GRIA1: variants seen among roughly 807,000 people sequenced by gnomAD.
GRIA1 encodes the protein glutamate receptor 1.
Under a neutral mutation model 99.2 loss-of-function variants are expected in GRIA1, and 31 were observed. The observed-to-expected ratio is 0.31, with a 90% CI of 0.23 to 0.42. The LOEUF is 0.42. Among genes scored for constraint, GRIA1 ranks in the 10% least tolerant of loss-of-function variants. The pLI, the probability that GRIA1 is intolerant of heterozygous loss-of-function variation, is 1.00. For synonymous variants in GRIA1, 438 were observed against 432.4 expected, an observed-to-expected ratio of 1.01 and a Z score of -0.16; for missense variants, 782 against 1,157.5, an observed-to-expected ratio of 0.68 and a Z score of 4.71.
intron 5 of GRIA1, among the ~76,000 whole-genome samples, chr5:153,660,749 A>G (rs964678454): frequency 2.0e-5 from 3 of 152,216 alleles, no homozygotes; most frequent in Non-Finnish European, 4.4e-5. Context: ...AACTGGCTCT[A>G]CAGACACACC....
intron 8 of GRIA1, among the ~76,000 whole-genome samples, chr5:153,691,800 C>T (rs1300703947): frequency 1.3e-5 from 2 of 152,202 alleles, no homozygotes; most frequent in South Asian, 2.1e-4. Context: ...ACAGTAGCCT[C>T]CTTACCAGTC....
rs962180380 is a variant in GRIA1 at position 153,640,765 on chromosome 5, T to C, written c.221-6163T>C. Among the ~76,000 whole-genome samples the C allele has an allele frequency of 5.9e-5, 9 of 152,242 alleles. No individual in the cohort carries two copies. In the East Asian group the frequency reaches 1.5e-3, roughly 26 times the overall value. ...TAGAAAACATGTCTGTCTTGTGTAA[T>C]TGTGGTACCCCAATTTTCTGGCAAT... On this transcript the variant is annotated intron_variant, in intron 2 of 15. Transcript: ENST00000285900.
intron 11 of GRIA1, among the ~76,000 whole-genome samples, chr5:153,738,050 G>A (rs1484432247): frequency 2.6e-5 from 4 of 152,176 alleles, no homozygotes; most frequent in Non-Finnish European, 5.9e-5. Context: ...ACAGGAGCAG[G>A]CCAGACCCAG....
intron 2 of GRIA1, among the ~76,000 whole-genome samples, chr5:153,585,621 T>G (rs893567825): frequency 4.6e-5 from 7 of 152,084 alleles, no homozygotes; most frequent in African/African-American, 1.7e-4. Flanking sequence ...TGTCCTCATT[T>G]CTTATGCTCC....
chr5:153,812,511 G>C lies in GRIA1; in HGVS notation c.*1286G>C, dbSNP rs1306164314. ...CATCTTTAGAAAGTGAGATAACCAA[G>C]GAAATAATTGAAGGAGTATAGGGAG... On this transcript the variant is annotated 3_prime_UTR_variant, in exon 16 of 16. Transcript: ENST00000285900. 1 of 152,178 alleles carries C rather than the reference G, an allele frequency of 6.6e-6. No homozygotes were observed. Among genetic ancestry groups the C allele is most frequent in the Non-Finnish European group, 1.5e-5 (1 of 68,038 alleles). The allele number at this position is 152,178 out of a possible 1,614,324, so 9.4% of individuals were successfully genotyped here.
intron 14 of GRIA1, among the ~76,000 whole-genome samples, chr5:153,801,954 G>A (rs930899251): frequency 2.0e-5 from 2 of 97,784 alleles, no homozygotes; most frequent in Non-Finnish European, 4.9e-5. Context: ...AATTGGGGCG[G>A]GGGGGGGCGG....
At chr5:153,615,568 C>T (rs963129899) in intron 2 of GRIA1, among the ~76,000 whole-genome samples, 5 of 152,182 alleles carry the variant, frequency 3.3e-5, no homozygotes, top group African/African-American at 9.7e-5. Context: ...CACTTGAGCC[C>T]AGGCGGTCGA....
chr5:153,751,971 T>G (rs1459547805), intron 11 of GRIA1, among the ~76,000 whole-genome samples: 1 of 152,188 alleles, frequency 6.6e-6, no homozygotes, highest in Non-Finnish European at 1.5e-5. Context: ...GTGGATCACT[T>G]AATGCTATCA....
At position 153,522,973 on chromosome 5, in the gene GRIA1, T is replaced by G. The variant is rs997345386; in HGVS notation, c.220+28908T>G. Among the ~76,000 whole-genome samples, 10 of 151,726 alleles carry G rather than the reference T, an allele frequency of 6.6e-5. No individual in the cohort carries two copies. The South Asian group carries it at 1.9e-3, about 28-fold the overall frequency. ...TTAATGAATTGCCTCTTGTAGCAGC[T>G]CTCCTGTATAAATATCTTCCACCTG... On this transcript the variant is annotated intron_variant, in intron 2 of 15. Coordinates refer to ENST00000285900, the MANE Select transcript of GRIA1 (RefSeq NM_000827.4).
At chr5:153,521,796 C>A (rs554566059) in intron 2 of GRIA1, among the ~76,000 whole-genome samples, 21 of 152,300 alleles carry the variant, frequency 1.4e-4, no homozygotes, top group African/African-American at 4.8e-4. Flanking sequence ...GCTCTCATTA[C>A]ACCAAAGATA....
At chr5:153,517,286 T>G (rs768432401) in intron 2 of GRIA1, among the ~76,000 whole-genome samples, 1 of 152,212 alleles carries the variant, frequency 6.6e-6, no homozygotes, top group Non-Finnish European at 1.5e-5. Context: ...AGTGCCTGCA[T>G]GGCTTTATTT....
At chr5:153,700,381 G>C (rs1758431572) in intron 10 of GRIA1, among the ~76,000 whole-genome samples, 1 of 152,136 alleles carries the variant, frequency 6.6e-6, no homozygotes, top group Non-Finnish European at 1.5e-5. Context: ...GCGAAACTCT[G>C]TCTCAAAAAT....
At chr5:153,686,918 T>C (rs1230981201) in intron 8 of GRIA1, among the ~76,000 whole-genome samples, 1 of 152,182 alleles carries the variant, frequency 6.6e-6, no homozygotes, top group Non-Finnish European at 1.5e-5. Flanking sequence ...CCTTAACCCT[T>C]GATACTTCCT....
At chr5:153,709,930 G>A (rs1222877143) in intron 11 of GRIA1, among the ~76,000 whole-genome samples, 2 of 152,142 alleles carry the variant, frequency 1.3e-5, no homozygotes, top group East Asian at 3.8e-4. Context: ...GGCAGTATTG[G>A]CCACTGTGCC....
intron 11 of GRIA1, among the ~76,000 whole-genome samples, chr5:153,716,281 G>T (rs1480196663): frequency 1.3e-5 from 2 of 152,156 alleles, no homozygotes; most frequent in Non-Finnish European, 2.9e-5. Context: ...ACCCAGCAGG[G>T]CTGAGATTAT....
chr5:153,795,415 T>C, intron 14 of GRIA1: 1 of 885,882 alleles, frequency 1.1e-6, no homozygotes. Flanking sequence ...ATACTGTCTG[T>C]GCTGAATAAC....
intron 5 of GRIA1, among the ~76,000 whole-genome samples, chr5:153,672,593 G>A (rs549306346): frequency 5.7e-4 from 86 of 151,558 alleles, no homozygotes; most frequent in African/African-American, 1.9e-3. Flanking sequence ...ATAAAAAATC[G>A]CAGAACTTTA....
At chr5:153,591,971 T>C (rs867283293) in intron 2 of GRIA1, among the ~76,000 whole-genome samples, 1 of 152,122 alleles carries the variant, frequency 6.6e-6, no homozygotes, top group Non-Finnish European at 1.5e-5. Context: ...TTTTAGTGTG[T>C]GAGGAGGGAA....
intron 2 of GRIA1, among the ~76,000 whole-genome samples, chr5:153,505,998 G>C (rs1325672571): frequency 6.6e-6 from 1 of 152,170 alleles, no homozygotes; most frequent in Non-Finnish European, 1.5e-5. Context: ...AGCCCCATGG[G>C]CAACTTGGAT....
Sources: allele counts gnomAD v4.1 joint callset (sites outside exome capture counted in the v4.1 genomes callset), GRCh38; gene constraint gnomAD v4.1.1; transcripts MANE v1.5; gene names NCBI Gene and HGNC (gene_info 2026-07-23, HGNC 2026-07-21).